Variants in ENAH observed in about 807,000 individuals in gnomAD.
ENAH encodes the protein ENAH actin regulator, also known as protein enabled homolog.
Under a neutral mutation model 78.7 loss-of-function variants are expected in ENAH, and 23 were observed. The ratio of observed to expected loss-of-function variants is 0.29; its 90% CI spans 0.21 to 0.41. The LOEUF is 0.41. ENAH is among the 10% of genes least tolerant of loss of function. The pLI is 1.00. For synonymous variants in ENAH, 226 were observed against 241.0 expected (o/e 0.94, Z 0.58); for missense variants, 544 against 691.0 (o/e 0.79, Z 2.39).
chr1:225,555,399 G>A (rs1019627432), intron 2 of ENAH, among the ~76,000 whole-genome samples: 1 of 152,044 alleles, frequency 6.6e-6, no homozygotes, highest in African/African-American at 2.4e-5. Flanking sequence ...TGGCTAACAC[G>A]GTGAAACCCC....
chr1:225,575,976 C>T (rs1470222379), intron 1 of ENAH, among the ~76,000 whole-genome samples: 2 of 152,158 alleles, frequency 1.3e-5, no homozygotes, highest in South Asian at 2.1e-4. Context: ...CTCCCCTTCC[C>T]ATCCACAAAC....
intron 1 of ENAH, 70 bp downstream of exon 1, chr1:225,652,616 C>G: frequency 8.0e-7 from 1 of 1,246,784 alleles, no homozygotes; most frequent in Non-Finnish European, 1.0e-6. Flanking sequence ...AGGCGGGGTC[C>G]GAGGAGAACG....
intron 3 of ENAH, among the ~76,000 whole-genome samples, chr1:225,539,642 C>T (rs1266021446): frequency 1.3e-5 from 2 of 152,212 alleles, no homozygotes; most frequent in Non-Finnish European, 2.9e-5. Flanking sequence ...AAGATAAATA[C>T]CAAAATCCAG....
At chr1:225,508,551 G>T (rs2096352181) in intron 10 of ENAH, 1 of 152,208 alleles carries the variant, frequency 6.6e-6, no homozygotes, top group Non-Finnish European at 1.5e-5. Context: ...AAATTCTATT[G>T]TACTTCCTTG....
rs1187219388 is a variant in ENAH at position 225,489,278 on chromosome 1, C to G, written c.*8497G>C. 1.3e-5 allele frequency: 2 copies of G among 152,072 alleles called. No individual in the cohort carries two copies. Among genetic ancestry groups the G allele is most frequent in the Non-Finnish European group, 2.9e-5 (2 of 68,016 alleles). The allele number at this position is 152,072 out of a possible 1,614,324, so 9.4% of individuals were successfully genotyped here. A position where few individuals can be genotyped will look rare whatever the true frequency, so the allele number is the denominator to read the frequency against. On this transcript the variant is annotated 3_prime_UTR_variant, in exon 14 of 14. Transcript: ENST00000366843. ...CTTTCTGAACGGCAGAATGTGCTTCCAGGTTGAAGCACAATGGAGAATGTA... is the reference window on the plus strand; with the variant it reads ...CTTTCTGAACGGCAGAATGTGCTTCGAGGTTGAAGCACAATGGAGAATGTA...
intron 1 of ENAH, among the ~76,000 whole-genome samples, chr1:225,625,107 T>C (rs776698685): frequency 3.3e-5 from 5 of 152,226 alleles, no homozygotes; most frequent in East Asian, 3.8e-4. Flanking sequence ...AGCTGAGCGA[T>C]AGACTTAATT....
rs187067180 is a variant in ENAH at position 225,609,806 on chromosome 1, G to C, written c.6-42392C>G. On this transcript the variant is annotated intron_variant, in intron 1 of 13. Coordinates refer to ENST00000366843, the MANE Select transcript of ENAH (RefSeq NM_018212.6). ...AGCCTCCTGAGTATCTGGGAGCACA[G>C]GCATGCGCCACCATCCCCAGCTAAT... 4.8e-3 allele frequency among the ~76,000 whole-genome samples: 730 copies of C among 151,794 alleles called. 11 individuals are homozygous for C. The highest frequency in any genetic ancestry group is 0.016 in the African/African-American group (652 of 41,394).
chr1:225,567,501 T>C (rs2096740708), intron 1 of ENAH, 87 bp from the exon 2 acceptor site: 2 of 1,340,586 alleles, frequency 1.5e-6, no homozygotes, highest in East Asian at 2.5e-5. Context: ...TAGGAGTCAG[T>C]CAACGATCAG....
At chr1:225,562,338 T>C (rs966133546) in intron 2 of ENAH, among the ~76,000 whole-genome samples, 13 of 151,814 alleles carry the variant, frequency 8.6e-5, no homozygotes, top group Admixed American at 2.6e-4. Context: ...TTTGGGAGGC[T>C]GAGGCGGGCA....
At chr1:225,590,918 A>G (rs1423894340) in intron 1 of ENAH, among the ~76,000 whole-genome samples, 1 of 152,200 alleles carries the variant, frequency 6.6e-6, no homozygotes, top group Non-Finnish European at 1.5e-5. Context: ...AATATCCTAC[A>G]ATTTCTGCAA....
intron 3 of ENAH, among the ~76,000 whole-genome samples, chr1:225,543,945 C>A (rs766750888): frequency 6.6e-6 from 1 of 152,064 alleles, no homozygotes; most frequent in Non-Finnish European, 1.5e-5. Flanking sequence ...GAGGCAATGC[C>A]CCAAAATATG....
At chr1:225,597,655 C>CAAAAA (rs565567062) in intron 1 of ENAH, among the ~76,000 whole-genome samples, 1 of 61,172 alleles carries the variant, frequency 1.6e-5, no homozygotes, top group Non-Finnish European at 3.8e-5. Context: ...AAGAGCATCT[C>CAAAAA]AAAAAAAAAA....
intron 1 of ENAH, chr1:225,580,157 A>G (rs1172134205): frequency 1.3e-5 from 2 of 152,158 alleles, no homozygotes; most frequent in African/African-American, 4.8e-5. Context: ...ATTCATGCCC[A>G]GAGACTTACC....
chr1:225,652,334 CG>C, intron 1 of ENAH: 1 of 985,394 alleles, frequency 1.0e-6, no homozygotes, highest in Non-Finnish European at 1.2e-6. Context: ...CCCAGCAACA[CG>C]CACGCTTCGA....
chr1:225,594,436 C>A (rs577911290), intron 1 of ENAH, among the ~76,000 whole-genome samples: 1 of 152,108 alleles, frequency 6.6e-6, no homozygotes, highest in Non-Finnish European at 1.5e-5. Flanking sequence ...TGTTACTGCT[C>A]AATTGTATCT....
At chr1:225,645,090 C>A (rs551229816) in intron 1 of ENAH, among the ~76,000 whole-genome samples, 2 of 152,192 alleles carry the variant, frequency 1.3e-5, no homozygotes, top group Non-Finnish European at 2.9e-5. Flanking sequence ...AGCATTCCCA[C>A]GTGCTTGTTT....
chr1:225,595,290 G>A (rs551341546), intron 1 of ENAH, among the ~76,000 whole-genome samples: 39 of 151,666 alleles, frequency 2.6e-4, no homozygotes, highest in Admixed American at 6.6e-4. Context: ...CTGAGATTAC[G>A]CCATTGCACT....
chr1:225,645,728 T>C (rs989130882), intron 1 of ENAH, among the ~76,000 whole-genome samples: 6 of 152,228 alleles, frequency 3.9e-5, no homozygotes, highest in African/African-American at 7.2e-5. Context: ...CCAAGTGTTA[T>C]GCCAGAATTT....
At chr1:225,569,523 T>C (rs754576904) in intron 1 of ENAH, among the ~76,000 whole-genome samples, 1 of 152,190 alleles carries the variant, frequency 6.6e-6, no homozygotes, top group Non-Finnish European at 1.5e-5. Flanking sequence ...TAAGATCATA[T>C]AAGCTAAAGC....
Sources: gnomAD v4.1 joint callset for allele counts (sites outside exome capture counted in the v4.1 genomes callset) on GRCh38, gnomAD v4.1.1 for gene constraint, MANE v1.5 for transcripts, NCBI Gene and HGNC (gene_info 2026-07-23, HGNC 2026-07-21) for gene names.